IL1RAPL2: variants seen among roughly 807,000 people sequenced by gnomAD.
IL1RAPL2 encodes the protein interleukin 1 receptor accessory protein like 2, also known as X-linked interleukin-1 receptor accessory protein-like 2.
IL1RAPL2 carries 3 observed loss-of-function variants against 44.1 expected under a neutral mutation model. The ratio of observed to expected loss-of-function variants is 0.07; its 90% CI spans 0.03 to 0.18. The LOEUF (loss-of-function observed/expected upper bound fraction) is 0.18, where lower values mean the gene tolerates loss of function less well. Among genes scored for constraint, IL1RAPL2 ranks in the 10% least tolerant of loss-of-function variants. IL1RAPL2 has a pLI of 1.00. For missense variants in IL1RAPL2, 391 were observed against 496.4 expected, an observed-to-expected ratio of 0.79 and a Z score of 2.02; for synonymous variants, 181 against 178.8, an observed-to-expected ratio of 1.01 and a Z score of -0.10.
intron 2 of IL1RAPL2, among the ~76,000 whole-genome samples, chrX:105,186,279 G>C (rs1170682725): frequency 1.8e-5 from 2 of 111,059 alleles, no homozygotes; most frequent in African/African-American, 6.6e-5. Context: ...AGAGTAAAAA[G>C]AAAGAAAGAA....
intron 2 of IL1RAPL2, among the ~76,000 whole-genome samples, chrX:104,925,783 A>C (rs1215959558): frequency 8.9e-6 from 1 of 111,784 alleles, no homozygotes; most frequent in African/African-American, 3.3e-5. Context: ...CTTGAAAATC[A>C]GCACAAGGCA....
chrX:104,833,850 A>C (rs989672133), intron 2 of IL1RAPL2, among the ~76,000 whole-genome samples: 1 of 112,479 alleles, frequency 8.9e-6, no homozygotes, highest in African/African-American at 3.2e-5. Flanking sequence ...TTAAGAATCA[A>C]CATTGCTATG....
chrX:105,534,912 T>A (rs2036666873), intron 6 of IL1RAPL2, among the ~76,000 whole-genome samples: 1 of 111,529 alleles, frequency 9.0e-6, no homozygotes, highest in Non-Finnish European at 1.9e-5. Flanking sequence ...CATAAAAGTG[T>A]CAAAATTTTA....
At position 104,808,517 on chromosome X, in the gene IL1RAPL2, G is replaced by A. The variant is rs139047729; in HGVS notation, c.82+149522G>A. Among the ~76,000 whole-genome samples, 812 of 111,224 alleles carry A rather than the reference G, an allele frequency of 7.3e-3. 13 individuals carry two copies. The highest frequency in any genetic ancestry group is 0.025 in the African/African-American group (768 of 30,634). On this transcript the variant is annotated intron_variant, in intron 2 of 10. Transcript: ENST00000372582. ...ATTGAGGTTATGGGTTTAGGTGGATGGAGGTCAGTAGGTGGTAACATGACA... is the reference window on the plus strand; with the variant it reads ...ATTGAGGTTATGGGTTTAGGTGGATAGAGGTCAGTAGGTGGTAACATGACA...
At chrX:105,308,101 A>C (rs2034765840) in intron 5 of IL1RAPL2, among the ~76,000 whole-genome samples, 1 of 110,885 alleles carries the variant, frequency 9.0e-6, no homozygotes, top group African/African-American at 3.3e-5. Context: ...TATATTAAAA[A>C]CCATGAGTTT....
At chrX:104,700,473 A>G (rs1188789249) in intron 2 of IL1RAPL2, among the ~76,000 whole-genome samples, 3 of 111,331 alleles carry the variant, frequency 2.7e-5, no homozygotes, top group Admixed American at 9.5e-5. Context: ...TAATTTCCTC[A>G]TGACTCTAGT....
intron 6 of IL1RAPL2, among the ~76,000 whole-genome samples, chrX:105,556,124 T>G (rs191740293): frequency 2.4e-4 from 27 of 111,917 alleles, no homozygotes; most frequent in African/African-American, 8.4e-4. Flanking sequence ...GTGCCTTACA[T>G]GAAAGAGCTA....
chrX:105,289,902 G>T (rs973471236), intron 5 of IL1RAPL2, among the ~76,000 whole-genome samples: 7 of 111,586 alleles, frequency 6.3e-5, no homozygotes, highest in Non-Finnish European at 1.3e-4. Context: ...ATTAGAGGCT[G>T]GGGAGATAAG....
chrX:104,717,684 A>G (rs1328635830), intron 2 of IL1RAPL2, among the ~76,000 whole-genome samples: 1 of 109,187 alleles, frequency 9.2e-6, no homozygotes, highest in Non-Finnish European at 1.9e-5. Context: ...ATATGTATAC[A>G]TGTGCCATGT....
chrX:105,000,994 A>G (rs1041622190), intron 2 of IL1RAPL2, among the ~76,000 whole-genome samples: 4 of 111,692 alleles, frequency 3.6e-5, no homozygotes, highest in African/African-American at 1.3e-4. Flanking sequence ...ATTAATAGAA[A>G]GGTCCACTGG....
intron 2 of IL1RAPL2, among the ~76,000 whole-genome samples, chrX:105,157,246 A>T (rs1470612848): frequency 1.8e-5 from 2 of 110,308 alleles, no homozygotes; most frequent in Non-Finnish European, 3.8e-5. Flanking sequence ...AGCCATCAGG[A>T]TTGGAGGTTA....
intron 1 of IL1RAPL2, among the ~76,000 whole-genome samples, chrX:104,645,303 A>T (rs1458770684): frequency 9.0e-6 from 1 of 111,317 alleles, no homozygotes; most frequent in Admixed American, 9.6e-5. Context: ...TTTTTCACTA[A>T]CATCTATTCT....
chrX:105,262,091 G>A (rs926326756), intron 4 of IL1RAPL2, among the ~76,000 whole-genome samples: 9 of 112,172 alleles, frequency 8.0e-5, no homozygotes, highest in Non-Finnish European at 1.5e-4. Flanking sequence ...TCGTGCAGCT[G>A]CTTCTGCTCC....
intron 6 of IL1RAPL2, among the ~76,000 whole-genome samples, chrX:105,630,130 T>TCAAACC (rs2037481548): frequency 9.0e-6 from 1 of 110,958 alleles, no homozygotes; most frequent in Non-Finnish European, 1.9e-5. Context: ...AAACTCAAAC[T>TCAAACC]CAAACCCAAA....
intron 2 of IL1RAPL2, among the ~76,000 whole-genome samples, chrX:104,868,377 C>G (rs1303141077): frequency 3.6e-5 from 4 of 111,903 alleles, no homozygotes; most frequent in Admixed American, 2.8e-4. Flanking sequence ...ATAGGTTATT[C>G]TTTAGGGCCA....
At chrX:104,647,323 G>A in intron 1 of IL1RAPL2, 1 of 462,266 alleles carries the variant, frequency 2.2e-6, no homozygotes, top group South Asian at 2.5e-5. Flanking sequence ...TGGCCAGTGA[G>A]TTGGGGATCA....
chrX:105,313,575 C>T (rs1603060471), intron 5 of IL1RAPL2, among the ~76,000 whole-genome samples: 2 of 111,557 alleles, frequency 1.8e-5, no homozygotes, highest in East Asian at 2.8e-4. Flanking sequence ...ACACTTTGTG[C>T]CCCCCTCCAT....
intron 2 of IL1RAPL2, among the ~76,000 whole-genome samples, chrX:104,984,490 C>T (rs1034039209): frequency 9.0e-6 from 1 of 111,380 alleles, no homozygotes. Flanking sequence ...TGGAAATAAG[C>T]GCTCCATTGT....
At chrX:104,720,360 A>G (rs1931653369) in intron 2 of IL1RAPL2, among the ~76,000 whole-genome samples, 1 of 111,855 alleles carries the variant, frequency 8.9e-6, no homozygotes, top group South Asian at 3.7e-4. Flanking sequence ...ATAAATACTG[A>G]AGGAATATCA....
Sources: allele counts gnomAD v4.1 joint callset (sites outside exome capture counted in the v4.1 genomes callset), GRCh38; gene constraint gnomAD v4.1.1; transcripts MANE v1.5; gene names NCBI Gene and HGNC (gene_info 2026-07-23, HGNC 2026-07-21).